The following ACTR3C variants were observed in gnomAD, a reference collection of about 807,000 sequenced individuals.
The protein encoded by ACTR3C is actin related protein 3C.
ACTR3C carries 18 observed loss-of-function variants against 26.3 expected under a neutral mutation model. The ratio of observed to expected loss-of-function variants is 0.68; its 90% CI spans 0.47 to 1.01. The LOEUF is 1.01. Among genes scored for constraint, ACTR3C ranks in the 50% least tolerant of loss-of-function variants. The pLI, the probability that ACTR3C is intolerant of heterozygous loss-of-function variation, is 0.00. For synonymous variants in ACTR3C, 55 were observed against 94.5 expected (o/e 0.58, Z 2.42); for missense variants, 184 against 250.7 (o/e 0.73, Z 1.80).
At chr7:150,096,385 A>G in the ACTR3C span, among the ~76,000 whole-genome samples, 44 of 151,064 alleles carry the variant, frequency 2.9e-4, 2 homozygotes, top group African/African-American at 9.4e-4. Flanking sequence ...AACCCAGGAA[A>G]TAGCAGGTGC....
At chr7:150,014,755 G>A in the ACTR3C span, among the ~76,000 whole-genome samples, 2 of 152,180 alleles carry the variant, frequency 1.3e-5, no homozygotes, top group African/African-American at 4.8e-5. Flanking sequence ...AGGACTTTCT[G>A]CACTTCATGT....
chr7:149,993,497 G>A, the ACTR3C span, among the ~76,000 whole-genome samples: 1 of 152,146 alleles, frequency 6.6e-6, no homozygotes, highest in Non-Finnish European at 1.5e-5. Context: ...TGTTTTAGGA[G>A]AACCTAATGC....
the ACTR3C span, among the ~76,000 whole-genome samples, chr7:149,944,142 T>C: frequency 1.3e-5 from 2 of 150,520 alleles, no homozygotes; most frequent in African/African-American, 5.0e-5. Flanking sequence ...GAAAATGCTG[T>C]AGCTACAGAG....
the ACTR3C span, among the ~76,000 whole-genome samples, chr7:150,044,522 A>T: frequency 6.6e-6 from 1 of 152,190 alleles, no homozygotes; most frequent in Non-Finnish European, 1.5e-5. Context: ...CTGTGGAGCC[A>T]CACAGTTGGG....
the ACTR3C span, among the ~76,000 whole-genome samples, chr7:149,982,501 C>T: frequency 1.8e-4 from 27 of 152,158 alleles, no homozygotes; most frequent in African/African-American, 6.5e-4. Context: ...GTGGTATAGA[C>T]ACTGCTATTC....
chr7:149,902,240 A>G, the ACTR3C span, among the ~76,000 whole-genome samples: 1 of 151,830 alleles, frequency 6.6e-6, no homozygotes, highest in Non-Finnish European at 1.5e-5. Flanking sequence ...AACAATTCCT[A>G]TCTTATGCAA....
chr7:150,006,170 G>T, the ACTR3C span, among the ~76,000 whole-genome samples: 1 of 107,556 alleles, frequency 9.3e-6, no homozygotes, highest in Non-Finnish European at 1.9e-5. Flanking sequence ...CAATAAATAC[G>T]ACTGAATTGC....
At chr7:149,911,406 G>A in the ACTR3C span, among the ~76,000 whole-genome samples, 1 of 151,770 alleles carries the variant, frequency 6.6e-6, no homozygotes, top group Non-Finnish European at 1.5e-5. Flanking sequence ...GCCCAGAACA[G>A]GGTCCTTTCT....
chr7:150,038,842 T>C, the ACTR3C span, among the ~76,000 whole-genome samples: 32 of 107,096 alleles, frequency 3.0e-4, no homozygotes, highest in African/African-American at 1.2e-3. Flanking sequence ...TAAGAGCCAG[T>C]GGGGGAACCA....
At chr7:150,141,349 G>C in the ACTR3C span, among the ~76,000 whole-genome samples, 1 of 152,086 alleles carries the variant, frequency 6.6e-6, no homozygotes, top group Admixed American at 6.5e-5. Context: ...GTGGACCCTA[G>C]GGGATTCTAC....
the ACTR3C span, among the ~76,000 whole-genome samples, chr7:149,915,373 T>C: frequency 6.6e-6 from 1 of 152,078 alleles, no homozygotes. Context: ...CAATAGAATG[T>C]TACCCTTAAG....
At chr7:150,039,345 C>A in the ACTR3C span, among the ~76,000 whole-genome samples, 3 of 133,942 alleles carry the variant, frequency 2.2e-5, no homozygotes, top group Non-Finnish European at 4.7e-5. Flanking sequence ...CAGTCCCCAC[C>A]CTCGTGGGGT....
the ACTR3C span, among the ~76,000 whole-genome samples, chr7:149,948,762 C>T: frequency 6.6e-6 from 1 of 151,998 alleles, no homozygotes; most frequent in Admixed American, 6.5e-5. Context: ...AGCCATGGCT[C>T]ACTAAAATTT....
the ACTR3C span, among the ~76,000 whole-genome samples, chr7:149,924,156 A>G: frequency 6.6e-6 from 1 of 151,210 alleles, no homozygotes; most frequent in East Asian, 2.1e-4. Context: ...TGGGTGGCTC[A>G]CCTGAGGTCA....
the ACTR3C span, among the ~76,000 whole-genome samples, chr7:150,051,052 C>G: frequency 1.4e-5 from 2 of 145,404 alleles, no homozygotes; most frequent in African/African-American, 5.2e-5. Flanking sequence ...TGCAATGAGC[C>G]GAGATCGCGC....
the ACTR3C span, among the ~76,000 whole-genome samples, chr7:149,891,755 G>A: frequency 8.9e-6 from 1 of 112,180 alleles, no homozygotes; most frequent in Non-Finnish European, 2.0e-5. Context: ...AGCTCAGGAG[G>A]TCGAGGCTGC....
chr7:149,921,924 C>G, the ACTR3C span, among the ~76,000 whole-genome samples: 8 of 151,978 alleles, frequency 5.3e-5, no homozygotes, highest in African/African-American at 1.9e-4. Flanking sequence ...CTGAAGTACT[C>G]TTTCCAAAGT....
At chr7:150,042,416 T>C in the ACTR3C span, among the ~76,000 whole-genome samples, 13 of 141,406 alleles carry the variant, frequency 9.2e-5, 1 homozygote, top group Middle Eastern at 0.022. Context: ...AGTCCCCGCG[T>C]CGCGAGGGGT....
At chr7:150,239,511 T>G (rs1414628058), downstream of ACTR3C, among the ~76,000 whole-genome samples, 9 of 90,862 alleles carry the variant, frequency 9.9e-5, no homozygotes, top group East Asian at 3.4e-4. Flanking sequence ...TTGCTCGCTC[T>G]CTCTCTCTCT....
Sources: allele counts gnomAD v4.1 joint callset (sites outside exome capture counted in the v4.1 genomes callset), GRCh38; gene constraint gnomAD v4.1.1; transcripts MANE v1.5; gene names NCBI Gene and HGNC (gene_info 2026-07-23, HGNC 2026-07-21).